Variants in ABL1 observed in about 807,000 individuals in gnomAD.
ABL1 encodes ABL proto-oncogene 1, non-receptor tyrosine kinase.
In ABL1, 11 loss-of-function variants were observed where a neutral mutation model predicts 94.7. That is an observed-to-expected ratio of 0.12 (90% confidence interval 0.07 to 0.19). ABL1 has a LOEUF of 0.19. ABL1 is among the 10% of genes least tolerant of loss of function. The pLI, the probability that ABL1 is intolerant of heterozygous loss-of-function variation, is 1.00. For synonymous variants in ABL1, 656 were observed against 622.4 expected (o/e 1.05, Z -0.80); for missense variants, 1,082 against 1,489.4 (o/e 0.73, Z 4.50).
rs553144884 is a variant in ABL1 at position 130,885,891 on chromosome 9, G to A, written c.*208G>A. Reference sequence around the variant, plus strand: ...GCCCTCCCGCACCTTCCTCCTCCCCGCTCCGTCTCTGTCCTCGAATTTTAT... The same window carrying A: ...GCCCTCCCGCACCTTCCTCCTCCCCACTCCGTCTCTGTCCTCGAATTTTAT... On this transcript the variant is annotated 3_prime_UTR_variant, in exon 11 of 11. Coordinates refer to ENST00000318560, the MANE Select transcript of ABL1 (RefSeq NM_005157.6). 1.3e-3 allele frequency: 803 copies of A among 630,138 alleles called. 5 individuals are homozygous for A. Among genetic ancestry groups the A allele is most frequent in the Middle Eastern group, 8.0e-3 (18 of 2,256 alleles). 39.0% of individuals were successfully genotyped at this position (630,138 alleles called of 1,614,324 possible). A position where few individuals can be genotyped will look rare whatever the true frequency, so the allele number is the denominator to read the frequency against.
intron 1 of ABL1, among the ~76,000 whole-genome samples, chr9:130,767,019 C>T (rs1311471502): frequency 6.6e-6 from 1 of 152,198 alleles, no homozygotes; most frequent in African/African-American, 2.4e-5. Context: ...TTGTTTACTG[C>T]CAGTGCTTTT....
At chr9:130,721,493 G>T (rs1831513200) in intron 1 of ABL1, among the ~76,000 whole-genome samples, 2 of 152,132 alleles carry the variant, frequency 1.3e-5, no homozygotes. Context: ...TGGATCACTT[G>T]AGCCCAGGAA....
At position 130,887,558 on chromosome 9, in the gene ABL1, C is replaced by T; in HGVS notation, c.*1875C>T. 4.3e-6 allele frequency: 1 copy of T among 233,282 alleles called. No homozygotes were observed. The highest frequency in any genetic ancestry group is 8.5e-6 in the Non-Finnish European group (1 of 117,856). 14.5% of individuals were successfully genotyped at this position (233,282 alleles called of 1,614,324 possible). A position where few individuals can be genotyped will look rare whatever the true frequency, so the allele number is the denominator to read the frequency against. On this transcript the variant is annotated 3_prime_UTR_variant, in exon 11 of 11. Transcript: ENST00000318560. ...CCCCTCGGGGGCCTGTGGTGGCTCC[C>T]CCTCTGCTTCTCGGGGTCCAGTGCA...
At position 130,754,246 on chromosome 9, in the gene ABL1, C is replaced by T. The variant is rs191436482; in HGVS notation, c.136+39791C>T. On this transcript the variant is annotated intron_variant, in intron 1 of 10. Transcript: ENST00000372348. Reference sequence around the variant, plus strand: ...AAGAGAGACCAGGCGTGGTGGCTCACGCCTGTAATCCCAGCACTTTGGGAG... The same window carrying T: ...AAGAGAGACCAGGCGTGGTGGCTCATGCCTGTAATCCCAGCACTTTGGGAG... 6.8e-3 allele frequency among the ~76,000 whole-genome samples: 1,021 copies of T among 149,174 alleles called. 17 individuals are homozygous for T. Among genetic ancestry groups the T allele is most frequent in the African/African-American group, 0.025 (991 of 40,444 alleles).
intron 1 of ABL1, among the ~76,000 whole-genome samples, chr9:130,725,572 G>GT (rs1007126559): frequency 1.3e-5 from 2 of 151,864 alleles, no homozygotes. Context: ...TAGAGATGGG[G>GT]TTTCTCCATA....
intron 1 of ABL1, among the ~76,000 whole-genome samples, chr9:130,793,256 A>T (rs947379352): frequency 1.3e-5 from 2 of 152,128 alleles, no homozygotes; most frequent in African/African-American, 4.8e-5. Context: ...AGCCAATAAG[A>T]TTCACATGGA....
chr9:130,717,850 C>T (rs143021952), intron 1 of ABL1, among the ~76,000 whole-genome samples: 89 of 151,726 alleles, frequency 5.9e-4, no homozygotes, highest in Non-Finnish European at 9.4e-4. Flanking sequence ...CCTGTCTCTA[C>T]CAAAAGTAAA....
At chr9:130,858,258 T>C (rs192812705) in intron 3 of ABL1, among the ~76,000 whole-genome samples, 1 of 152,102 alleles carries the variant, frequency 6.6e-6, no homozygotes, top group African/African-American at 2.4e-5. Context: ...GGCCTGCGTA[T>C]GGGATATGTG....
intron 1 of ABL1, among the ~76,000 whole-genome samples, chr9:130,722,085 C>T (rs981735454): frequency 3.5e-4 from 53 of 151,422 alleles, no homozygotes; most frequent in African/African-American, 1.0e-3. Flanking sequence ...CCTGGCTATC[C>T]GATTCTCAAA....
At position 130,849,334 on chromosome 9, in the gene ABL1, GGTTCATATTCCA is replaced by G. The variant is rs1830821587; in HGVS notation, c.80-4726_80-4715del. Among the ~76,000 whole-genome samples the G allele has an allele frequency of 2.6e-5, 4 of 152,194 alleles. No individual in the cohort carries two copies. The South Asian group carries it at 6.2e-4, about 24-fold the overall frequency. On this transcript the variant is annotated intron_variant, in intron 1 of 10. Transcript: ENST00000318560. ...GATATTAAATTCTTTATAGACTTCT[GGTTCATATTCCA>G]GTTGCCCTCAATTTATACACCTACT...
chr9:130,779,540 A>G (rs1829729664), intron 1 of ABL1, among the ~76,000 whole-genome samples: 1 of 152,020 alleles, frequency 6.6e-6, no homozygotes, highest in Non-Finnish European at 1.5e-5. Flanking sequence ...AACGCTAAAG[A>G]CCTCATACTG....
At chr9:130,878,935 T>C (rs1280999976) in intron 8 of ABL1, among the ~76,000 whole-genome samples, 1 of 148,034 alleles carries the variant, frequency 6.8e-6, no homozygotes, top group Non-Finnish European at 1.5e-5. Flanking sequence ...TGGAGTACAA[T>C]GGCGCAATGT....
chr9:130,742,669 A>G (rs1005700272), intron 1 of ABL1, among the ~76,000 whole-genome samples: 5 of 152,204 alleles, frequency 3.3e-5, no homozygotes, highest in South Asian at 2.1e-4. Context: ...CAGTAGCTCA[A>G]AACTCTCTGG....
intron 2 of ABL1, among the ~76,000 whole-genome samples, 174 bp from the exon 3 acceptor site, chr9:130,854,626 CA>C (rs1205771923): frequency 2.6e-5 from 4 of 152,200 alleles, no homozygotes; most frequent in Non-Finnish European, 5.9e-5. Context: ...CAGGAAGCTT[CA>C]AATGTAAACG....
At chr9:130,864,553 T>C (rs541730753) in intron 4 of ABL1, among the ~76,000 whole-genome samples, 1 of 152,338 alleles carries the variant, frequency 6.6e-6, no homozygotes, top group East Asian at 1.9e-4. Flanking sequence ...CCCTGGACTT[T>C]TTCTTAATTG....
At chr9:130,795,494 G>A (rs896603198) in intron 1 of ABL1, among the ~76,000 whole-genome samples, 1 of 152,266 alleles carries the variant, frequency 6.6e-6, no homozygotes, top group South Asian at 2.1e-4. Flanking sequence ...GTTGTGTCCA[G>A]TTATGATATA....
intron 1 of ABL1, among the ~76,000 whole-genome samples, chr9:130,839,326 C>A (rs896482838): frequency 6.6e-6 from 1 of 152,182 alleles, no homozygotes; most frequent in South Asian, 2.1e-4. Flanking sequence ...CATACAGATA[C>A]GCTTTTAGAA....
chr9:130,760,086 C>T (rs888883649), intron 1 of ABL1, among the ~76,000 whole-genome samples: 1 of 149,888 alleles, frequency 6.7e-6, no homozygotes, highest in Admixed American at 6.7e-5. Flanking sequence ...GGATTACAGG[C>T]ATGAGCCACC....
rs35835292 is a variant in ABL1 at position 130,863,237 on chromosome 9, A to G, written c.822+202A>G. 9.6e-3 allele frequency among the ~76,000 whole-genome samples: 1,464 copies of G among 152,280 alleles called. 20 individuals are homozygous for G. The highest frequency in any genetic ancestry group is 0.034 in the African/African-American group (1,418 of 41,534). Reference sequence around the variant, plus strand: ...TCTCATAGTCCGAGTGTGTTTCCACATATGGTGAGAGCTGACAAGCATGGA... The same window carrying G: ...TCTCATAGTCCGAGTGTGTTTCCACGTATGGTGAGAGCTGACAAGCATGGA... On this transcript the variant is annotated intron_variant, in intron 4 of 10. Transcript: ENST00000318560. This position sits in a 1 kb window ranked among gnomAD's most constrained non-coding sequence, Gnocchi z 4.3.
Sources: gnomAD v4.1 joint callset for allele counts (sites outside exome capture counted in the v4.1 genomes callset) on GRCh38, gnomAD v4.1.1 for gene constraint, Gnocchi (gnomAD v3.1) non-coding constraint, MANE v1.5 for transcripts, NCBI Gene and HGNC (gene_info 2026-07-23, HGNC 2026-07-21) for gene names.